The following SPATA16 variants were observed in gnomAD, a reference collection of about 807,000 sequenced individuals.
SPATA16 encodes the protein spermatogenesis-associated protein 16.
A neutral mutation model predicts 63.3 loss-of-function variants in SPATA16; 36 were observed. That is an observed-to-expected ratio of 0.57 (90% CI 0.44 to 0.75). The LOEUF is 0.75. Among genes scored for constraint, SPATA16 ranks in the 30% least tolerant of loss-of-function variants. The pLI is 0.00. For synonymous variants in SPATA16, 203 were observed against 216.7 expected (o/e 0.94, Z 0.56); for missense variants, 646 against 679.3 (o/e 0.95, Z 0.54).
At chr3:173,007,658 A>T (rs535680326) in intron 4 of SPATA16, among the ~76,000 whole-genome samples, 1 of 152,362 alleles carries the variant, frequency 6.6e-6, no homozygotes, top group South Asian at 2.1e-4. Flanking sequence ...TCTCATGATA[A>T]TAAATGTTAT....
At chr3:172,893,902 T>G (rs184072493) in intron 10 of SPATA16, among the ~76,000 whole-genome samples, 1 of 152,376 alleles carries the variant, frequency 6.6e-6, no homozygotes, top group East Asian at 1.9e-4. Context: ...TATATGGGTT[T>G]GCTTGCGCAT....
intron 1 of SPATA16, among the ~76,000 whole-genome samples, chr3:173,135,392 C>T (rs1310706899): frequency 6.6e-6 from 1 of 152,172 alleles, no homozygotes; most frequent in East Asian, 1.9e-4. Flanking sequence ...ATTTGGAAAG[C>T]TGTTTGGCAG....
At chr3:173,086,513 G>A (rs772317545) in intron 2 of SPATA16, among the ~76,000 whole-genome samples, 73 of 151,950 alleles carry the variant, frequency 4.8e-4, no homozygotes, top group Admixed American at 1.3e-3. Flanking sequence ...ATTTCTTGAA[G>A]GGTTTTTCAT....
intron 4 of SPATA16, among the ~76,000 whole-genome samples, chr3:173,016,010 A>G (rs1164139739): frequency 1.3e-5 from 2 of 152,168 alleles, no homozygotes; most frequent in African/African-American, 4.8e-5. Flanking sequence ...GCAACTTTCT[A>G]TTTCAGTTAA....
At chr3:172,972,225 C>G (rs902903804) in intron 5 of SPATA16, among the ~76,000 whole-genome samples, 11 of 152,190 alleles carry the variant, frequency 7.2e-5, no homozygotes, top group Non-Finnish European at 1.6e-4. Context: ...ACCTGTGAAG[C>G]TGGCACTGCC....
At chr3:173,063,587 T>C (rs538172655) in intron 2 of SPATA16, among the ~76,000 whole-genome samples, 1 of 152,184 alleles carries the variant, frequency 6.6e-6, no homozygotes, top group Non-Finnish European at 1.5e-5. Context: ...ATTCTTTTGC[T>C]GAACAGTAGT....
chr3:172,961,690 G>A (rs894744616), intron 5 of SPATA16, among the ~76,000 whole-genome samples: 4 of 152,224 alleles, frequency 2.6e-5, no homozygotes, highest in East Asian at 3.9e-4. Context: ...CACCATGGCC[G>A]GCCTTCTAAG....
At chr3:172,994,224 T>C (rs1177336949) in intron 4 of SPATA16, among the ~76,000 whole-genome samples, 1 of 152,122 alleles carries the variant, frequency 6.6e-6, no homozygotes. Context: ...AAGAAGAAAC[T>C]CTTGGTGAAT....
At position 173,100,660 on chromosome 3, in the gene SPATA16, GCACACACACACA is replaced by G. The variant is rs3980195; in HGVS notation, c.612+16448_612+16459del. ...ATTAAAAGCACAGATCACATAAACA[GCACACACACACA>G]CACACACACACACACACACACACAC... On this transcript the variant is annotated intron_variant, in intron 2 of 10. Transcript: ENST00000351008. Among the ~76,000 whole-genome samples the G allele has an allele frequency of 6.2e-3, 837 of 134,158 alleles. 8 individuals are homozygous for G. Among genetic ancestry groups the G allele is most frequent in the African/African-American group, 0.016 (589 of 36,550 alleles). The allele number at this position is 134,158 out of a possible 152,430, so 88.0% of individuals were successfully genotyped here. A position where few individuals can be genotyped will look rare whatever the true frequency, so the allele number is the denominator to read the frequency against.
chr3:172,913,919 C>T (rs1411177949), intron 9 of SPATA16, among the ~76,000 whole-genome samples, 175 bp from the exon 10 acceptor site: 2 of 152,068 alleles, frequency 1.3e-5, no homozygotes, highest in Non-Finnish European at 2.9e-5. Flanking sequence ...AATATTATTG[C>T]AGATATAAAA....
intron 2 of SPATA16, among the ~76,000 whole-genome samples, chr3:173,104,237 C>T (rs1379900657): frequency 1.3e-5 from 2 of 152,096 alleles, no homozygotes. Flanking sequence ...CCTCATCTTC[C>T]TTTCTTCTTC....
At chr3:173,006,238 G>A (rs1734943204) in intron 4 of SPATA16, among the ~76,000 whole-genome samples, 1 of 152,178 alleles carries the variant, frequency 6.6e-6, no homozygotes, top group African/African-American at 2.4e-5. Context: ...AAGCCACTTA[G>A]TGGTGGAATT....
intron 6 of SPATA16, among the ~76,000 whole-genome samples, chr3:172,945,282 A>G (rs562508729): frequency 1.3e-5 from 2 of 152,344 alleles, no homozygotes; most frequent in South Asian, 4.1e-4. Flanking sequence ...TTCCTTGAAG[A>G]AATCTAAAAA....
At chr3:172,979,215 C>T (rs1734241148) in intron 4 of SPATA16, among the ~76,000 whole-genome samples, 1 of 151,462 alleles carries the variant, frequency 6.6e-6, no homozygotes. Flanking sequence ...CCAGCCTGGG[C>T]AACAGAGCAA....
intron 4 of SPATA16, among the ~76,000 whole-genome samples, chr3:172,987,541 T>C (rs1007162695): frequency 6.6e-6 from 1 of 152,226 alleles, no homozygotes; most frequent in African/African-American, 2.4e-5. Context: ...ATCTTGAACA[T>C]GGATCCTGAA....
intron 2 of SPATA16, among the ~76,000 whole-genome samples, chr3:173,115,544 C>G (rs1369698567): frequency 6.6e-6 from 1 of 152,136 alleles, no homozygotes; most frequent in Non-Finnish European, 1.5e-5. Context: ...TTTTCCAGCA[C>G]TTATTAGATA....
chr3:173,014,647 A>G (rs1276440737), intron 4 of SPATA16, among the ~76,000 whole-genome samples: 1 of 152,244 alleles, frequency 6.6e-6, no homozygotes, highest in African/African-American at 2.4e-5. Context: ...AAGTTATATT[A>G]ATACTATCTC....
At chr3:173,049,556 T>A (rs922747920) in intron 2 of SPATA16, among the ~76,000 whole-genome samples, 1 of 152,160 alleles carries the variant, frequency 6.6e-6, no homozygotes, top group Non-Finnish European at 1.5e-5. Context: ...TTTGATTTAA[T>A]ATAATAAGAG....
At chr3:173,129,847 T>C in intron 1 of SPATA16, among the ~76,000 whole-genome samples, 1 of 152,084 alleles carries the variant, frequency 6.6e-6, no homozygotes, top group Non-Finnish European at 1.5e-5. Context: ...AGTGTTATCA[T>C]ACACCAAGCA....
Sources: allele counts gnomAD v4.1 joint callset (sites outside exome capture counted in the v4.1 genomes callset), GRCh38; gene constraint gnomAD v4.1.1; transcripts MANE v1.5; gene names NCBI Gene and HGNC (gene_info 2026-07-23, HGNC 2026-07-21).